The following CAPN15 variants were observed in gnomAD, a reference collection of about 807,000 sequenced individuals.
The protein encoded by CAPN15 is calpain 15.
A neutral mutation model predicts 97.9 loss-of-function variants in CAPN15; 53 were observed. The ratio of observed to expected loss-of-function variants is 0.54; its 90% CI spans 0.43 to 0.68. The LOEUF (loss-of-function observed/expected upper bound fraction) is 0.68, where lower values mean the gene tolerates loss of function less well. Among genes scored for constraint, CAPN15 ranks in the 30% least tolerant of loss-of-function variants. The pLI, the probability that CAPN15 is intolerant of heterozygous loss-of-function variation, is 0.00. For missense variants in CAPN15, 1,592 were observed against 1,589.8 expected (o/e 1.00, Z -0.02); for synonymous variants, 922 against 722.5 (o/e 1.28, Z -4.43).
intron 1 of CAPN15, chr16:528,645 T>G (rs1159063155): frequency 6.0e-6 from 5 of 830,724 alleles, no homozygotes; most frequent in African/African-American, 3.7e-5. Flanking sequence ...GGGGAACTCT[T>G]GTGTGGTCAG....
chr16:541,240 AC>A, intron 3 of CAPN15, among the ~76,000 whole-genome samples: 1 of 152,364 alleles, frequency 6.6e-6, no homozygotes, highest in Admixed American at 6.5e-5. Context: ...GGTGGCATCC[AC>A]GCTGAGGCCT....
chr16:542,069 A>G (rs930794203), intron 3 of CAPN15, among the ~76,000 whole-genome samples: 1 of 120,798 alleles, frequency 8.3e-6, no homozygotes, highest in African/African-American at 3.1e-5. Context: ...ACGTGGGGCC[A>G]CAGGACGTGG....
chr16:537,346 C>T, intron 3 of CAPN15: 1 of 985,574 alleles, frequency 1.0e-6, no homozygotes, highest in African/African-American at 1.7e-5. Flanking sequence ...ACCACTTCTG[C>T]CTTGGGCCTA....
rs566259761 is a variant in CAPN15, at chr16:542,996, A to G, written c.-22-3821A>G. ...AACTTGGGAGGCGGAGGTTGCAGTGAGCCAAGATTGCACCACTGCACTCCA... is the reference window on the plus strand; with the variant it reads ...AACTTGGGAGGCGGAGGTTGCAGTGGGCCAAGATTGCACCACTGCACTCCA... On this transcript the variant is annotated intron_variant, in intron 3 of 13. Transcript: ENST00000219611. Among the ~76,000 whole-genome samples the G allele has an allele frequency of 1.8e-4, 28 of 151,934 alleles. No individual in the cohort carries two copies. In the South Asian group the frequency reaches 1.9e-3, roughly 10 times the overall value.
chr16:551,434 C>T lies in CAPN15; in HGVS notation c.2192+7C>T, dbSNP rs1171244697. 1.9e-6 allele frequency: 3 copies of T among 1,603,934 alleles called. No individual in the cohort carries two copies. In the Admixed American group the frequency reaches 5.0e-5, roughly 27 times the overall value. On this transcript the variant is annotated splice_region_variant and intron_variant, in intron 8 of 13. Transcript: ENST00000219611. ...GAGATGTCCAGGGCACCAGGTAGGG[C>T]CGGCCTGGCTGAGGGTGGGTGGGGT...
chr16:551,219 G>T (rs1372121112), intron 7 of CAPN15, 83 bp from the exon 8 acceptor site: 1 of 1,477,524 alleles, frequency 6.8e-7, no homozygotes, highest in Admixed American at 2.1e-5. Flanking sequence ...GTCGGTGAGG[G>T]TCCCGGTCAG....
rs368104868 is a variant in CAPN15 at position 547,813 on chromosome 16, C to T, written c.975C>T (p.Ala325=). 63 of 1,611,682 alleles carry T rather than the reference C, an allele frequency of 3.9e-5. No individual in the cohort carries two copies. The highest frequency in any genetic ancestry group is 1.6e-4 in the Middle Eastern group (1 of 6,082). Residue 325 remains alanine (A), a synonymous_variant, in exon 4 of 14, where the codon GCC becomes GCT. Transcript: ENST00000219611. ...STSGSDIIDL[A]GDTVRYTPAS... ...CGGGCAGTGACATCATTGACCTGGC[C>T]GGAGACACCGTGCGTTACACGCCCG...
intron 3 of CAPN15, among the ~76,000 whole-genome samples, chr16:536,572 G>A (rs1383477236): frequency 6.6e-6 from 1 of 152,124 alleles, no homozygotes; most frequent in African/African-American, 2.4e-5. Context: ...ACAGGCGCCC[G>A]CCACCACGCC....
chr16:548,636 C>G (rs1025471131), intron 4 of CAPN15, among the ~76,000 whole-genome samples: 1 of 152,250 alleles, frequency 6.6e-6, no homozygotes, highest in African/African-American at 2.4e-5. Context: ...GGGATGTACC[C>G]GTGCTCCGCC....
rs772128162 is a variant in CAPN15, at chr16:540,034, G to GT, written c.-23+3895dup. ...CCGGGCTGTGTGTGTGAATCATGCT[G>GT]TTTCTTCTCTATTTTCTCTCTCTGT... On this transcript the variant is annotated intron_variant, in intron 3 of 13. Coordinates refer to ENST00000219611, the MANE Select transcript of CAPN15 (RefSeq NM_005632.3). The GT allele has an allele frequency of 1.7e-4, 166 of 972,114 alleles. No homozygotes were observed. The Middle Eastern group carries it at 2.6e-3, about 15-fold the overall frequency. The allele number at this position is 972,114 out of a possible 1,614,324, so 60.2% of individuals were successfully genotyped here.
At chr16:531,715 T>C (rs139612649) in intron 1 of CAPN15, among the ~76,000 whole-genome samples, 4,394 of 132,066 alleles carry the variant, frequency 0.033, 305 homozygotes, top group African/African-American at 0.13. Context: ...TCCCAAGGCC[T>C]CCGTCTCCTT....
intron 3 of CAPN15, chr16:537,443 C>T (rs1056067872): frequency 2.6e-5 from 26 of 985,494 alleles, no homozygotes; most frequent in African/African-American, 3.5e-5. Context: ...TGGGTGAGTG[C>T]GTGGGTGGGT....
intron 8 of CAPN15, 30 bp downstream of exon 8, chr16:551,457 G>A (rs1222276952): frequency 1.0e-5 from 16 of 1,600,344 alleles, no homozygotes; most frequent in Non-Finnish European, 1.1e-5. Flanking sequence ...GGGTGGGTGG[G>A]GTGCCGGTGA....
chr16:542,478 G>T (rs1010006196), intron 3 of CAPN15, among the ~76,000 whole-genome samples: 1 of 152,144 alleles, frequency 6.6e-6, no homozygotes, highest in East Asian at 1.9e-4. Context: ...CCGTCCCAGG[G>T]GGTGGGAGCT....
In CAPN15 at chr16:552,688, A is replaced by G; in HGVS notation, c.2821A>G (p.Met941Val). The G allele has an allele frequency of 1.3e-6, 2 of 1,544,224 alleles. No individual in the cohort carries two copies. The highest frequency in any genetic ancestry group is 1.7e-6 in the Non-Finnish European group (2 of 1,146,038). ...VLAVYSSRLV[M>V]VEPVEAQPTT... Reference sequence around the variant, plus strand: ...GGCTGTGTACAGCTCGAGGCTGGTCATGGTGGAGCCCGTGGAAGCCCAGCC... The same window carrying G: ...GGCTGTGTACAGCTCGAGGCTGGTCGTGGTGGAGCCCGTGGAAGCCCAGCC... The change falls in exon 12 of 14, where the codon ATG becomes GTG. Residue 941 changes from methionine (M) to valine (V), a missense_variant. Around this residue, in one of 3 missense-constraint regions of CAPN15, gnomAD observed 644 missense variants for 699.6 expected, o/e 0.92. Transcript: ENST00000219611. The surrounding 1 kb of genome is among the most constrained non-coding windows in gnomAD (Gnocchi z 6.4).
intron 7 of CAPN15, among the ~76,000 whole-genome samples, chr16:550,637 AGTGAGGGTTCCCTGTCG>A (rs1167064559): frequency 3.5e-5 from 5 of 143,406 alleles, no homozygotes; most frequent in Admixed American, 6.9e-5. Context: ...ACCCCCTGTC[AGTGAGGGTTCCCTGTCG>A]GTGAGGGTCC....
intron 9 of CAPN15, 72 bp downstream of exon 9, chr16:551,736 GCCTGT>G: frequency 1.3e-6 from 2 of 1,562,202 alleles, no homozygotes; most frequent in Non-Finnish European, 1.7e-6. Context: ...TGGAGAACAA[GCCTGT>G]CCCTCCTGCT....
Position 536,055 on chromosome 16 carries a change from ACTGAC to A in CAPN15, c.-101_-97del, listed in dbSNP as rs2033697053. On this transcript the variant is annotated 5_prime_UTR_variant, in exon 3 of 14. Transcript: ENST00000219611. ...CAGGGAGCCAGGATGGGAACCACGGACTGACCTGACCTGCGTCCTCGGGGCCACTG... is the reference window on the plus strand; with the variant it reads ...CAGGGAGCCAGGATGGGAACCACGGACTGACCTGCGTCCTCGGGGCCACTG... The A allele has an allele frequency of 2.2e-6, 2 of 899,238 alleles. No homozygotes were observed. Among genetic ancestry groups the A allele is most frequent in the African/African-American group, 2.1e-5 (1 of 47,422 alleles). The allele number at this position is 899,238 out of a possible 1,614,324, so 55.7% of individuals were successfully genotyped here.
At chr16:530,557 G>A (rs1318267247) in intron 1 of CAPN15, among the ~76,000 whole-genome samples, 1 of 152,238 alleles carries the variant, frequency 6.6e-6, no homozygotes, top group Non-Finnish European at 1.5e-5. Flanking sequence ...GAGGCTGTGG[G>A]TTGGGGCTGG....
Sources: gnomAD v4.1 joint callset for allele counts (sites outside exome capture counted in the v4.1 genomes callset) on GRCh38, gnomAD v4.1.1 for gene constraint, gnomAD v4.1.1 regional missense constraint, Gnocchi (gnomAD v3.1) non-coding constraint, MANE v1.5 for transcripts, NCBI Gene and HGNC (gene_info 2026-07-23, HGNC 2026-07-21) for gene names.